The following TMEM63A variants were observed in gnomAD, a reference collection of about 807,000 sequenced individuals.
TMEM63A encodes transmembrane protein 63A, also known as mechanosensitive cation channel TMEM63A.
In TMEM63A, 76 loss-of-function variants were observed where a neutral mutation model predicts 100.6. The ratio of observed to expected loss-of-function variants is 0.76; its 90% CI spans 0.63 to 0.91. The LOEUF (loss-of-function observed/expected upper bound fraction) is 0.91, where lower values mean the gene tolerates loss of function less well. TMEM63A is among the 40% of genes least tolerant of loss of function. The probability of loss-of-function intolerance (pLI) is 0.00; values close to 1 mark genes in which losing one functional copy is unlikely to be tolerated. For synonymous variants in TMEM63A, 401 were observed against 401.1 expected (o/e 1.00, Z 0.00); for missense variants, 876 against 1,008.8 (o/e 0.87, Z 1.78).
downstream of TMEM63A, chr1:225,844,716 A>ATAAG: frequency 6.4e-7 from 1 of 1,570,650 alleles, no homozygotes; most frequent in Non-Finnish European, 8.6e-7. Flanking sequence ...TGGTGGTGGG[A>ATAAG]TAAGTATAGC....
rs1668960698 is a variant in TMEM63A, at chr1:225,846,003, CAGAAGT to C, written c.*930_*935del. Reference sequence around the variant, plus strand: ...GGCAGCAGGGAGGAGGCTTCTCAGGCAGAAGTCTTAAGTTGCATCCCATTCCCCAGA... The same window carrying C: ...GGCAGCAGGGAGGAGGCTTCTCAGGCCTTAAGTTGCATCCCATTCCCCAGA... On this transcript the variant is annotated 3_prime_UTR_variant, in exon 25 of 25. Transcript: ENST00000366835. 6.4e-6 allele frequency: 1 copy of C among 156,306 alleles called. No homozygotes were observed. The highest frequency in any genetic ancestry group is 2.4e-5 in the African/African-American group (1 of 41,474). The allele number at this position is 156,306 out of a possible 1,614,324, so 9.7% of individuals were successfully genotyped here.
intron 4 of TMEM63A, among the ~76,000 whole-genome samples, chr1:225,872,843 G>A (rs1198694084): frequency 2.0e-5 from 3 of 151,914 alleles, no homozygotes; most frequent in South Asian, 4.2e-4. Flanking sequence ...ACAGGCACCC[G>A]CCACCATGCC....
chr1:225,866,283 A>T (rs536719390), intron 9 of TMEM63A: 17 of 513,294 alleles, frequency 3.3e-5, no homozygotes, highest in African/African-American at 2.7e-4. Context: ...GAACCAAGCC[A>T]CAGAAGCTCC....
chr1:225,844,096 T>C (rs1668681706), downstream of TMEM63A, among the ~76,000 whole-genome samples: 1 of 152,118 alleles, frequency 6.6e-6, no homozygotes, highest in South Asian at 2.1e-4. Flanking sequence ...TCCCATAGGC[T>C]GTTGAGAGGA....
At position 225,853,565 on chromosome 1, in the gene TMEM63A, C is replaced by T. The variant is rs375923641; in HGVS notation, c.1797+64G>A. ...GGGGGTAGTGGGGGTGAGAGGCCCT[C>T]GGGTCAGTGAAGGGGGACATGGGAG... On this transcript the variant is annotated intron_variant, in intron 19 of 24. Transcript: ENST00000366835. This position sits in a 1 kb window ranked among gnomAD's most constrained non-coding sequence, Gnocchi z 4.0. 115 of 1,447,190 alleles carry T rather than the reference C, an allele frequency of 7.9e-5. No individual in the cohort carries two copies. The African/African-American group carries it at 1.3e-3, about 16-fold the overall frequency. The allele number at this position is 1,447,190 out of a possible 1,614,324, so 89.6% of individuals were successfully genotyped here.
Position 225,849,001 on chromosome 1 carries a change from G to A in TMEM63A, c.2083C>T (p.Pro695Ser), listed in dbSNP as rs756452406. ...ACCAGGAAGGTGAACAGAGTGGCGG[G>A]GGCCTTCATACCTGGTGATAGAGGG... ...FSFLRLGMKA[P>S]ATLFTFLVLL... Residue 695 changes from proline (P) to serine (S), a missense_variant, in exon 22 of 25, where the codon CCC becomes TCC. Physicochemically the swap from Pro to Ser is moderately conservative, Grantham distance 74. Transcript: ENST00000366835. 9.5e-6 allele frequency: 15 copies of A among 1,585,118 alleles called. No individual in the cohort carries two copies. The South Asian group carries it at 1.4e-4, about 15-fold the overall frequency.
downstream of TMEM63A, chr1:225,845,173 C>T (rs756544037): frequency 1.2e-6 from 2 of 1,614,134 alleles, no homozygotes; most frequent in African/African-American, 1.3e-5. Context: ...CCACTGGCTT[C>T]TCTGCCTTCC....
At chr1:225,844,652 C>A, downstream of TMEM63A, 1 of 1,613,072 alleles carries the variant, frequency 6.2e-7, no homozygotes, top group East Asian at 2.2e-5. Context: ...AGAACAGGGG[C>A]CTCTGAGGCT....
At chr1:225,877,732 A>T in intron 2 of TMEM63A, 138 bp from the exon 3 acceptor site, 1 of 758,492 alleles carries the variant, frequency 1.3e-6, no homozygotes, top group South Asian at 1.9e-5. Context: ...GGAGTCCGGG[A>T]GAGCCAGACA....
At position 225,878,171 on chromosome 1, in the gene TMEM63A, T is replaced by C. The variant is rs190573175; in HGVS notation, c.-14-577A>G. ...CTGGGACCTCAGAGATGGGTCCATC[T>C]GCTATACTTGGAAACCAAGCCTCAG... is the stretch of plus-strand genomic sequence containing the variant. On this transcript the variant is annotated intron_variant, in intron 2 of 24. Transcript: ENST00000366835. 4.6e-5 allele frequency among the ~76,000 whole-genome samples: 7 copies of C among 152,340 alleles called. No individual in the cohort carries two copies. In the East Asian group the frequency reaches 1.3e-3, roughly 29 times the overall value.
chr1:225,870,062 C>T (rs562269810), intron 6 of TMEM63A, among the ~76,000 whole-genome samples: 36 of 152,098 alleles, frequency 2.4e-4, no homozygotes, highest in African/African-American at 8.7e-4. Context: ...AAATAACATG[C>T]ACCTGGGCCG....
rs141158178 is a variant in TMEM63A, at chr1:225,847,131, C to T, written c.2333G>A (p.Gly778Asp). ...SPQQQQQQTY[G>D]AIHNISGTIP... Reference sequence around the variant, plus strand: ...AGTCCCGCTGATGTTGTGGATGGCACCATAGGTCTGCTGCTGCTGCTGCTG... The same window carrying T: ...AGTCCCGCTGATGTTGTGGATGGCATCATAGGTCTGCTGCTGCTGCTGCTG... The change falls in exon 24 of 25, where the codon GGT becomes GAT. Residue 778 changes from glycine (G) to aspartate (D), a missense_variant. Around this residue, in one of 5 missense-constraint regions of TMEM63A, gnomAD observed 339 missense variants for 342.3 expected, o/e 0.99. Transcript: ENST00000366835. 20 of 1,612,752 alleles carry T rather than the reference C, an allele frequency of 1.2e-5. No individual in the cohort carries two copies. The highest frequency in any genetic ancestry group is 2.2e-5 in the East Asian group (1 of 44,894).
At chr1:225,847,898 G>C (rs2102808282) in intron 23 of TMEM63A, among the ~76,000 whole-genome samples, 1 of 152,186 alleles carries the variant, frequency 6.6e-6, no homozygotes, top group Non-Finnish European at 1.5e-5. Flanking sequence ...GGCCACGGCT[G>C]TCAGGAAGGC....
chr1:225,844,400 C>T, downstream of TMEM63A: 1 of 1,593,374 alleles, frequency 6.3e-7, no homozygotes. Context: ...AGGGAAGCCG[C>T]ATGGGCAGGG....
chr1:225,877,296 G>T, intron 3 of TMEM63A, 99 bp downstream of exon 3: 1 of 1,370,320 alleles, frequency 7.3e-7, no homozygotes, highest in Non-Finnish European at 9.8e-7. Context: ...TTTAAACCCA[G>T]CTATGTCTGA....
At chr1:225,874,168 GACACAC>G (rs113985759) in intron 4 of TMEM63A, 114 bp downstream of exon 4, 4 of 951,404 alleles carry the variant, frequency 4.2e-6, no homozygotes, top group African/African-American at 3.3e-5. Flanking sequence ...CCATTCCAGG[GACACAC>G]ACACACACAC....
chr1:225,877,274 G>T, intron 3 of TMEM63A, 121 bp downstream of exon 3: 1 of 1,133,478 alleles, frequency 8.8e-7, no homozygotes, highest in African/African-American at 1.6e-5. Context: ...CTGGTAAGCA[G>T]CAGAGTTGAG....
intron 3 of TMEM63A, 120 bp downstream of exon 3, chr1:225,877,275 C>T: frequency 1.8e-5 from 21 of 1,145,344 alleles, no homozygotes; most frequent in Non-Finnish European, 2.2e-5. Flanking sequence ...TGGTAAGCAG[C>T]AGAGTTGAGA....
At chr1:225,859,757 T>A (rs1344373936) in intron 14 of TMEM63A, 1 of 192,908 alleles carries the variant, frequency 5.2e-6, no homozygotes, top group Non-Finnish European at 1.1e-5. Flanking sequence ...GCAATTCTCC[T>A]GCTCAGCCTC....
Sources: gnomAD v4.1 joint callset for allele counts (sites outside exome capture counted in the v4.1 genomes callset) on GRCh38, gnomAD v4.1.1 for gene constraint, gnomAD v4.1.1 regional missense constraint, Gnocchi (gnomAD v3.1) non-coding constraint, MANE v1.5 for transcripts, NCBI Gene and HGNC (gene_info 2026-07-23, HGNC 2026-07-21) for gene names.